TIRAP: variants seen among roughly 807,000 people sequenced by gnomAD.
TIRAP encodes TIR domain containing adaptor protein.
A neutral mutation model predicts 19.8 loss-of-function variants in TIRAP; 20 were observed. The ratio of observed to expected loss-of-function variants is 1.01; its 90% CI spans 0.71 to 1.47. TIRAP has a LOEUF of 1.47. TIRAP is among the 40% of genes most tolerant of loss of function. The pLI is 0.00. For missense variants in TIRAP, 276 were observed against 285.1 expected, an observed-to-expected ratio of 0.97 and a Z score of 0.23; for synonymous variants, 125 against 121.7, an observed-to-expected ratio of 1.03 and a Z score of -0.18.
Position 126,290,929 on chromosome 11 carries a change from C to T in TIRAP, c.35C>T (p.Ser12Phe), listed in dbSNP as rs1951375425. 1.9e-6 allele frequency: 3 copies of T among 1,607,454 alleles called. No individual in the cohort carries two copies. Among genetic ancestry groups the T allele is most frequent in the African/African-American group, 1.3e-5 (1 of 74,970 alleles). The change falls in exon 3 of 5, where the codon TCT becomes TTT. Residue 12 changes from serine (S) to phenylalanine (F), a missense_variant. Coordinates refer to ENST00000392679, the MANE Select transcript of TIRAP (RefSeq NM_001318777.2). The surrounding 1 kb of genome is among the most constrained non-coding windows in gnomAD (Gnocchi z 4.9). ...ASSTSLPAPG[S>F]RPKKPLGKMA... ...TCGACCTCCCTCCCAGCTCCTGGCT[C>T]TCGGCCTAAGAAGCCTCTAGGCAAG...
rs1207363201 is a variant in TIRAP, at chr11:126,290,407, T to A, written c.-216-55T>A. ...CTCTCTACTGTTCAGCTTCTGTCTA[T>A]CTGGATACATAATTATTTGTCCAAA... On this transcript the variant is annotated intron_variant, in intron 1 of 4. Coordinates refer to ENST00000392679, the MANE Select transcript of TIRAP (RefSeq NM_001318777.2). This position sits in a 1 kb window ranked among gnomAD's most constrained non-coding sequence, Gnocchi z 4.9. 1 of 986,580 alleles carries A rather than the reference T, an allele frequency of 1.0e-6. No individual in the cohort carries two copies. The highest frequency in any genetic ancestry group is 1.2e-6 in the Non-Finnish European group (1 of 830,594). The allele number at this position is 986,580 out of a possible 1,614,324, so 61.1% of individuals were successfully genotyped here. A position where few individuals can be genotyped will look rare whatever the true frequency, so the allele number is the denominator to read the frequency against.
At chr11:126,289,226 T>G (rs538133863) in intron 1 of TIRAP, among the ~76,000 whole-genome samples, 42 of 152,368 alleles carry the variant, frequency 2.8e-4, no homozygotes, top group Admixed American at 2.1e-3. Context: ...CAGCATCCCT[T>G]GTCTTCTACG....
Position 126,287,403 on chromosome 11 carries a change from C to A in TIRAP, c.-216-3059C>A, listed in dbSNP as rs1414153590. On this transcript the variant is annotated intron_variant, in intron 1 of 4. Coordinates refer to ENST00000392679, the MANE Select transcript of TIRAP (RefSeq NM_001318777.2). The surrounding 1 kb of genome is among the most constrained non-coding windows in gnomAD (Gnocchi z 4.2). ...TGGCATGATCTCGGCTCACTGCAAC[C>A]TCCACCTCCCGGGTTCAAGTGATTC... Among the ~76,000 whole-genome samples the A allele has an allele frequency of 6.6e-6, 1 of 151,996 alleles. No individual in the cohort carries two copies. The highest frequency in any genetic ancestry group is 2.4e-5 in the African/African-American group (1 of 41,330).
chr11:126,293,400 G>A (rs1430083563), intron 4 of TIRAP: 2 of 704,204 alleles, frequency 2.8e-6, no homozygotes, highest in East Asian at 2.7e-5. Flanking sequence ...GCTAGTAGTA[G>A]TAACAGTAAT....
In TIRAP at chr11:126,291,872, T is replaced by A. The variant is rs1951393784; in HGVS notation, c.68-605T>A. 6.6e-6 allele frequency among the ~76,000 whole-genome samples: 1 copy of A among 151,918 alleles called. No homozygotes were observed. The highest frequency in any genetic ancestry group is 1.5e-5 in the Non-Finnish European group (1 of 68,014). On this transcript the variant is annotated intron_variant, in intron 3 of 4. Coordinates refer to ENST00000392679, the MANE Select transcript of TIRAP (RefSeq NM_001318777.2). This position sits in a 1 kb window ranked among gnomAD's most constrained non-coding sequence, Gnocchi z 5.6. ...TGGGCTGGGCTGGGGGTACCAGATATCAAAGGGCCTGGAGTAGTGCAAGGC... is the reference window on the plus strand; with the variant it reads ...TGGGCTGGGCTGGGGGTACCAGATAACAAAGGGCCTGGAGTAGTGCAAGGC...
Position 126,292,958 on chromosome 11 carries a change from C to A in TIRAP, c.549C>A (p.Ser183Arg). Residue 183 changes from serine (S) to arginine (R), a missense_variant, in exon 4 of 5, where the codon AGC becomes AGA. Transcript: ENST00000392679. ...GCTIPLLSGL[S>R]RAAYPPELRF... ...CCATCCCCCTGCTGTCGGGCCTCAG[C>A]AGAGCTGCCTACCCACCTGAGCTCC... The A allele has an allele frequency of 6.2e-7, 1 of 1,614,150 alleles. No individual in the cohort carries two copies. The highest frequency in any genetic ancestry group is 1.1e-5 in the South Asian group (1 of 91,078).
At position 126,291,416 on chromosome 11, in the gene TIRAP, C is replaced by T; in HGVS notation, c.67+455C>T. 7.6e-7 allele frequency: 1 copy of T among 1,324,494 alleles called. No individual in the cohort carries two copies. Among genetic ancestry groups the T allele is most frequent in the Non-Finnish European group, 1.0e-6 (1 of 1,002,090 alleles). 82.0% of individuals were successfully genotyped at this position (1,324,494 alleles called of 1,614,324 possible). On this transcript the variant is annotated intron_variant, in intron 3 of 4. Coordinates refer to ENST00000392679, the MANE Select transcript of TIRAP (RefSeq NM_001318777.2). The surrounding 1 kb of genome is among the most constrained non-coding windows in gnomAD (Gnocchi z 5.6). The stretch of plus-strand genomic sequence containing the variant: ...AAACACAGACCTGAGCAGTGTTTCT[C>T]CCCCACAGACTGGTTCAGGCAGACC...
In TIRAP at chr11:126,288,641, G is replaced by C. The variant is rs1240790088; in HGVS notation, c.-216-1821G>C. On this transcript the variant is annotated intron_variant, in intron 1 of 4. Coordinates refer to ENST00000392679, the MANE Select transcript of TIRAP (RefSeq NM_001318777.2). This position sits in a 1 kb window ranked among gnomAD's most constrained non-coding sequence, Gnocchi z 5.0. ...GAGGGCTTATACCACCGCACTTCTG[G>C]TGGCATATACTGCTGGACAACTGGA... is the stretch of plus-strand genomic sequence containing the variant. The C allele has an allele frequency of 1.3e-5, 2 of 152,158 alleles. No homozygotes were observed. The highest frequency in any genetic ancestry group is 2.9e-5 in the Non-Finnish European group (2 of 68,026). 9.4% of individuals were successfully genotyped at this position (152,158 alleles called of 1,614,324 possible).
chr11:126,286,272 C>G (rs1319557294), intron 1 of TIRAP, among the ~76,000 whole-genome samples: 2 of 150,536 alleles, frequency 1.3e-5, no homozygotes, highest in African/African-American at 4.9e-5. Context: ...GGCTGAGGCA[C>G]AAGAATCACT....
At chr11:126,293,603 AC>A (rs1184547346) in intron 4 of TIRAP, 64 bp from the exon 5 acceptor site, 1 of 1,591,964 alleles carries the variant, frequency 6.3e-7, no homozygotes, top group Non-Finnish European at 8.6e-7. Context: ...AAGAGGCAGG[AC>A]CTGTTGGGGA....
chr11:126,285,771 C>G (rs1035056446), intron 1 of TIRAP, among the ~76,000 whole-genome samples: 2 of 151,814 alleles, frequency 1.3e-5, no homozygotes, highest in African/African-American at 4.8e-5. Context: ...GGCATGGTGG[C>G]TCATGCCTGT....
At position 126,291,244 on chromosome 11, in the gene TIRAP, G is replaced by A. The variant is rs191254501; in HGVS notation, c.67+283G>A. On this transcript the variant is annotated intron_variant, in intron 3 of 4. Transcript: ENST00000392679. This position sits in a 1 kb window ranked among gnomAD's most constrained non-coding sequence, Gnocchi z 5.6. ...ACCACTGTGCTGAGTGCTTAACACTGTCTCTTGTCGTCCAAATCTTTGTTC... is the reference window on the plus strand; with the variant it reads ...ACCACTGTGCTGAGTGCTTAACACTATCTCTTGTCGTCCAAATCTTTGTTC... 12 of 566,760 alleles carry A rather than the reference G, an allele frequency of 2.1e-5. No homozygotes were observed. The highest frequency in any genetic ancestry group is 3.7e-5 in the Non-Finnish European group (12 of 323,738). 35.1% of individuals were successfully genotyped at this position (566,760 alleles called of 1,614,324 possible).
rs1346260712 is a variant in TIRAP at position 126,287,408 on chromosome 11, C to G, written c.-216-3054C>G. Among the ~76,000 whole-genome samples, 1 of 151,882 alleles carries G rather than the reference C, an allele frequency of 6.6e-6. No homozygotes were observed. The highest frequency in any genetic ancestry group is 1.9e-4 in the East Asian group (1 of 5,164). ...TGATCTCGGCTCACTGCAACCTCCA[C>G]CTCCCGGGTTCAAGTGATTCTCCTG... On this transcript the variant is annotated intron_variant, in intron 1 of 4. Coordinates refer to ENST00000392679, the MANE Select transcript of TIRAP (RefSeq NM_001318777.2). The surrounding 1 kb of genome is among the most constrained non-coding windows in gnomAD (Gnocchi z 4.2).
At chr11:126,285,243 G>GTGTA in intron 1 of TIRAP, among the ~76,000 whole-genome samples, 4 of 106,974 alleles carry the variant, frequency 3.7e-5, no homozygotes, top group African/African-American at 1.4e-4. Flanking sequence ...GTGTGTGTGT[G>GTGTA]TATATATATA....
At position 126,290,919 on chromosome 11, in the gene TIRAP, G is replaced by C. The variant is rs8177369; in HGVS notation, c.25G>C (p.Ala9Pro). 1,863 of 1,607,432 alleles carry C rather than the reference G, an allele frequency of 1.2e-3. 13 individuals carry two copies. The African/African-American group carries it at 0.018, about 16-fold the overall frequency. MASSTSLPAPGSRPKKPLG... is the reference protein window; with the variant it reads MASSTSLPPPGSRPKKPLG... Reference sequence around the variant, plus strand: ...TATGGCATCATCGACCTCCCTCCCAGCTCCTGGCTCTCGGCCTAAGAAGCC... The same window carrying C: ...TATGGCATCATCGACCTCCCTCCCACCTCCTGGCTCTCGGCCTAAGAAGCC... Residue 9 changes from alanine to proline, a missense_variant, in exon 3 of 5, where the codon GCT (alanine) becomes CCT (proline). Coordinates refer to ENST00000392679, the MANE Select transcript of TIRAP (RefSeq NM_001318777.2). This position sits in a 1 kb window ranked among gnomAD's most constrained non-coding sequence, Gnocchi z 4.9.
Position 126,283,279 on chromosome 11 carries a change from G to C in TIRAP, c.-217+126G>C, listed in dbSNP as rs556713393. ...ACCGAGAGCCGCAGGGGTGCGCGCCGCCTCTGGTCCGGCCTTGCCCTGCTG... is the reference window on the plus strand; with the variant it reads ...ACCGAGAGCCGCAGGGGTGCGCGCCCCCTCTGGTCCGGCCTTGCCCTGCTG... On this transcript the variant is annotated intron_variant, in intron 1 of 4. Transcript: ENST00000392679. 1.5e-3 allele frequency: 671 copies of C among 445,652 alleles called. 7 individuals are homozygous for C. The highest frequency in any genetic ancestry group is 0.014 in the African/African-American group (641 of 47,004). The allele number at this position is 445,652 out of a possible 1,614,324, so 27.6% of individuals were successfully genotyped here.
chr11:126,283,478 G>A (rs1951280276), intron 1 of TIRAP, among the ~76,000 whole-genome samples: 1 of 152,236 alleles, frequency 6.6e-6, no homozygotes, highest in Admixed American at 6.5e-5. Flanking sequence ...TGTGGATATC[G>A]TTTCTCCTCA....
At chr11:126,289,672 A>G in intron 1 of TIRAP, 1 of 985,486 alleles carries the variant, frequency 1.0e-6, no homozygotes, top group Non-Finnish European at 1.2e-6. Flanking sequence ...CAGATCCACC[A>G]AAGAGAAAGC....
At chr11:126,289,200 T>G (rs1434148850) in intron 1 of TIRAP, among the ~76,000 whole-genome samples, 1 of 152,246 alleles carries the variant, frequency 6.6e-6, no homozygotes, top group Non-Finnish European at 1.5e-5. Context: ...AACTTTGATA[T>G]ATGATCACAA....
Sources: gnomAD v4.1 joint callset for allele counts (sites outside exome capture counted in the v4.1 genomes callset) on GRCh38, gnomAD v4.1.1 for gene constraint, Gnocchi (gnomAD v3.1) non-coding constraint, MANE v1.5 for transcripts, NCBI Gene and HGNC (gene_info 2026-07-23, HGNC 2026-07-21) for gene names.